ABCC1: variants seen among roughly 807,000 people sequenced by gnomAD.
ABCC1 encodes the protein multidrug resistance-associated protein 1.
ABCC1 carries 83 observed loss-of-function variants against 172.9 expected under a neutral mutation model. The observed-to-expected ratio is 0.48, with a 90% CI of 0.40 to 0.58. The LOEUF (loss-of-function observed/expected upper bound fraction) is 0.58, where lower values mean the gene tolerates loss of function less well. ABCC1 is among the 20% of genes least tolerant of loss of function. ABCC1 has a pLI of 0.00. For synonymous variants in ABCC1, 937 were observed against 825.2 expected (o/e 1.14, Z -2.32); for missense variants, 1,817 against 2,002.7 (o/e 0.91, Z 1.77).
At chr16:16,138,955 C>T (rs998465679) in intron 30 of ABCC1, among the ~76,000 whole-genome samples, 3 of 152,330 alleles carry the variant, frequency 2.0e-5, no homozygotes, top group South Asian at 4.1e-4. Flanking sequence ...GGCGATCTGC[C>T]CGCCTCCGCC....
intron 23 of ABCC1, among the ~76,000 whole-genome samples, chr16:16,116,427 T>TGTAC (rs1278015485): frequency 2.0e-5 from 3 of 152,188 alleles, no homozygotes; most frequent in Non-Finnish European, 4.4e-5. Flanking sequence ...TGTTTTTTTC[T>TGTAC]GTACATACAT....
intron 16 of ABCC1, 65 bp downstream of exon 16, chr16:16,079,543 T>A: frequency 6.4e-7 from 1 of 1,555,032 alleles, no homozygotes; most frequent in African/African-American, 1.4e-5. Context: ...AGCTCAGAAA[T>A]GATGGTGTTT....
chr16:16,052,832 C>T lies in ABCC1; in HGVS notation c.1473+16C>T. The T allele has an allele frequency of 6.2e-7, 1 of 1,613,652 alleles. No homozygotes were observed. Among genetic ancestry groups the T allele is most frequent in the Non-Finnish European group, 8.5e-7 (1 of 1,179,564 alleles). The stretch of plus-strand genomic sequence containing the variant: ...GACGTATCAGGTAAGGCATGTGTCT[C>T]TGCGGGCCCCCAAGCCGGGCCCTAG... On this transcript the variant is annotated intron_variant, in intron 11 of 30. Coordinates refer to ENST00000399410, the MANE Select transcript of ABCC1 (RefSeq NM_004996.4).
chr16:16,132,524 T>TTGAGATGGAG (rs2045741263), intron 27 of ABCC1, among the ~76,000 whole-genome samples: 2 of 132,000 alleles, frequency 1.5e-5, no homozygotes, highest in African/African-American at 2.9e-5. Context: ...TTTTTTTTTT[T>TTGAGATGGAG]TTTTTTTTTT....
At position 16,119,321 on chromosome 16, in the gene ABCC1, G is replaced by T. The variant is rs537923998; in HGVS notation, c.3391-2654G>T. ...CTGGGTGTGGTGGCGTGAACCTGTA[G>T]TCCCACCTGCTTGGGAGGCTGAGAT... On this transcript the variant is annotated intron_variant, in intron 23 of 30. Coordinates refer to ENST00000399410, the MANE Select transcript of ABCC1 (RefSeq NM_004996.4). 2.6e-5 allele frequency among the ~76,000 whole-genome samples: 4 copies of T among 152,260 alleles called. No individual in the cohort carries two copies. The South Asian group carries it at 8.3e-4, about 32-fold the overall frequency.
chr16:15,965,003 C>G (rs77950936), intron 1 of ABCC1, among the ~76,000 whole-genome samples: 4 of 152,240 alleles, frequency 2.6e-5, no homozygotes, highest in Non-Finnish European at 5.9e-5. Flanking sequence ...TTGTCCATCA[C>G]CTGTATTGTA....
At chr16:16,003,629 TTGGTGGGTGGGTGGATGGATGGATGAAC>T (rs1381114671) in intron 1 of ABCC1, among the ~76,000 whole-genome samples, 28 of 145,398 alleles carry the variant, frequency 1.9e-4, no homozygotes, top group African/African-American at 6.3e-4. Flanking sequence ...TATAAATGAA[TTGGTGGGTGGGTGGATGGATGGATGAAC>T]TGGTGGGTGG....
intron 7 of ABCC1, among the ~76,000 whole-genome samples, chr16:16,042,965 G>A (rs7193755): frequency 0.13 from 20,212 of 151,674 alleles, 1,565 homozygotes; most frequent in Non-Finnish European, 0.16. Flanking sequence ...GAGTTCAAGC[G>A]ATTCTCCTTT....
chr16:16,138,298 G>T, intron 29 of ABCC1, 66 bp from the exon 30 acceptor site: 1 of 1,473,450 alleles, frequency 6.8e-7, no homozygotes, highest in Non-Finnish European at 9.2e-7. Context: ...CCCAGCCTGG[G>T]CCTAGGTTCA....
At chr16:16,113,290 G>A (rs910624289) in intron 22 of ABCC1, among the ~76,000 whole-genome samples, 2 of 152,166 alleles carry the variant, frequency 1.3e-5, no homozygotes, top group African/African-American at 4.8e-5. Context: ...CAGCAACAAC[G>A]TCTGTTCCAG....
chr16:16,119,165 G>T (rs1195856515), intron 23 of ABCC1, among the ~76,000 whole-genome samples: 1 of 152,186 alleles, frequency 6.6e-6, no homozygotes, highest in Admixed American at 6.5e-5. Context: ...GTTCGGTCGG[G>T]TGCAGTGGCT....
At chr16:15,986,587 A>G (rs2046749603) in intron 1 of ABCC1, among the ~76,000 whole-genome samples, 1 of 152,190 alleles carries the variant, frequency 6.6e-6, no homozygotes, top group Non-Finnish European at 1.5e-5. Context: ...TTTCATCCTG[A>G]AAGCCACCCC....
At chr16:16,064,014 G>A (rs1247436262) in intron 12 of ABCC1, among the ~76,000 whole-genome samples, 1 of 152,184 alleles carries the variant, frequency 6.6e-6, no homozygotes, top group Non-Finnish European at 1.5e-5. Context: ...AAGCTCATAG[G>A]TTGACACTGG....
At chr16:16,005,192 G>A (rs574050607) in intron 1 of ABCC1, among the ~76,000 whole-genome samples, 14 of 151,860 alleles carry the variant, frequency 9.2e-5, no homozygotes, top group Admixed American at 9.2e-4. Context: ...TATTTGGAGG[G>A]TGCATAGGCC....
At chr16:16,118,556 G>A (rs145468239) in intron 23 of ABCC1, among the ~76,000 whole-genome samples, 287 of 149,628 alleles carry the variant, frequency 1.9e-3, no homozygotes, top group African/African-American at 4.9e-3. Context: ...CAACTTAAAT[G>A]TCTGCCAATA....
At chr16:16,064,282 G>A (rs968199042) in intron 12 of ABCC1, among the ~76,000 whole-genome samples, 1 of 152,148 alleles carries the variant, frequency 6.6e-6, no homozygotes, top group African/African-American at 2.4e-5. Flanking sequence ...GTCTCCTGCT[G>A]CCTGGAGCCC....
In ABCC1 at chr16:16,140,908, G is replaced by A. The variant is rs372562090; in HGVS notation, c.4488-265G>A. Reference sequence around the variant, plus strand: ...ATTTTACTCTGAATGTAATGGAACAGTGAATGTGAACAGTCAACACTGTTA... The same window carrying A: ...ATTTTACTCTGAATGTAATGGAACAATGAATGTGAACAGTCAACACTGTTA... On this transcript the variant is annotated intron_variant, in intron 30 of 30. Transcript: ENST00000399410. Among the ~76,000 whole-genome samples, 19 of 152,354 alleles carry A rather than the reference G, an allele frequency of 1.2e-4. No individual in the cohort carries two copies. The East Asian group carries it at 2.1e-3, about 17-fold the overall frequency.
intron 22 of ABCC1, among the ~76,000 whole-genome samples, chr16:16,113,014 A>G (rs921828032): frequency 6.6e-6 from 1 of 152,166 alleles, no homozygotes; most frequent in African/African-American, 2.4e-5. Context: ...AGAGGCCGAG[A>G]TGGAAGCCTC....
chr16:15,960,440 T>G (rs923299653), intron 1 of ABCC1, among the ~76,000 whole-genome samples: 3 of 152,186 alleles, frequency 2.0e-5, no homozygotes, highest in African/African-American at 4.8e-5. Context: ...CATTCATTTA[T>G]TCAGTCATTA....
Sources: gnomAD v4.1 joint callset for allele counts (sites outside exome capture counted in the v4.1 genomes callset) on GRCh38, gnomAD v4.1.1 for gene constraint, MANE v1.5 for transcripts, NCBI Gene and HGNC (gene_info 2026-07-23, HGNC 2026-07-21) for gene names.